The following SMYD3 variants were observed in gnomAD, a reference collection of about 807,000 sequenced individuals.
SMYD3 encodes histone-lysine N-methyltransferase SMYD3.
Under a neutral mutation model 57.7 loss-of-function variants are expected in SMYD3, and 36 were observed. That is an observed-to-expected ratio of 0.62 (90% CI 0.48 to 0.82). The LOEUF (loss-of-function observed/expected upper bound fraction) is 0.82. Ranked by LOEUF, SMYD3 falls within the 40% of genes least tolerant of loss-of-function variation. The pLI is 0.00. For missense variants in SMYD3, 515 were observed against 538.8 expected, an observed-to-expected ratio of 0.96 and a Z score of 0.44; for synonymous variants, 211 against 195.0, an observed-to-expected ratio of 1.08 and a Z score of -0.68.
chr1:246,216,525 T>C (rs372265892), intron 5 of SMYD3, among the ~76,000 whole-genome samples: 1 of 152,122 alleles, frequency 6.6e-6, no homozygotes, highest in South Asian at 2.1e-4. Context: ...TAGAGAATTG[T>C]TACTAATTGT....
chr1:245,919,091 T>C (rs1420813178), intron 7 of SMYD3, among the ~76,000 whole-genome samples: 1 of 152,182 alleles, frequency 6.6e-6, no homozygotes, highest in African/African-American at 2.4e-5. Flanking sequence ...CTGGAACCAT[T>C]ACCTGGACTA....
chr1:245,938,342 C>T (rs1188954585), intron 5 of SMYD3, among the ~76,000 whole-genome samples: 1 of 152,174 alleles, frequency 6.6e-6, no homozygotes. Context: ...CTTGGGGGGC[C>T]ACTCCTTCTT....
intron 1 of SMYD3, among the ~76,000 whole-genome samples, chr1:246,395,252 T>C (rs541053299): frequency 6.6e-5 from 10 of 152,350 alleles, no homozygotes; most frequent in Admixed American, 5.2e-4. Flanking sequence ...ATGGATCTTT[T>C]GGAACGAGGA....
chr1:246,449,108 T>C (rs2103027378), intron 1 of SMYD3, among the ~76,000 whole-genome samples: 1 of 152,222 alleles, frequency 6.6e-6, no homozygotes, highest in Admixed American at 6.5e-5. Flanking sequence ...CACATGCCTG[T>C]AGTTCCAGCT....
At chr1:246,031,326 GTATTAAATATA>G (rs1479893873) in intron 5 of SMYD3, among the ~76,000 whole-genome samples, 5 of 151,964 alleles carry the variant, frequency 3.3e-5, no homozygotes, top group African/African-American at 1.2e-4. Flanking sequence ...TCTTATTTAG[GTATTAAATATA>G]TATTAAATAT....
intron 5 of SMYD3, among the ~76,000 whole-genome samples, chr1:246,213,854 G>C (rs530137610): frequency 2.0e-4 from 30 of 152,254 alleles, no homozygotes; most frequent in Admixed American, 5.9e-4. Context: ...ATTGAACACA[G>C]TTCTTTCTCT....
Position 246,355,195 on chromosome 1 carries a change from T to TGA in SMYD3, c.165-102_165-101insTC. 4.4e-6 allele frequency: 5 copies of TGA among 1,137,042 alleles called. No individual in the cohort carries two copies. Among genetic ancestry groups the TGA allele is most frequent in the Non-Finnish European group, 6.6e-6 (5 of 760,720 alleles). 70.4% of individuals were successfully genotyped at this position (1,137,042 alleles called of 1,614,324 possible). ...AGTCAACATACGGACACCCGTATGT[T>TGA]CTGTTTACTCCATTATGTACAGTCC... is the stretch of plus-strand genomic sequence containing the variant. On this transcript the variant is annotated intron_variant, in intron 1 of 11. Coordinates refer to ENST00000490107, the MANE Select transcript of SMYD3 (RefSeq NM_001167740.2). This position sits in a 1 kb window ranked among gnomAD's most constrained non-coding sequence, Gnocchi z 5.0.
chr1:246,182,822 G>T (rs954032167), intron 5 of SMYD3, among the ~76,000 whole-genome samples: 2 of 152,116 alleles, frequency 1.3e-5, no homozygotes, highest in African/African-American at 4.8e-5. Context: ...TCATTCCTAT[G>T]TTCAACATCA....
At chr1:245,994,560 C>A (rs1439264489) in intron 5 of SMYD3, among the ~76,000 whole-genome samples, 1 of 152,150 alleles carries the variant, frequency 6.6e-6, no homozygotes, top group East Asian at 1.9e-4. Context: ...GGACTCCAAG[C>A]ATTTTCCTCA....
intron 9 of SMYD3, among the ~76,000 whole-genome samples, chr1:245,863,256 T>C (rs2051651970): frequency 6.6e-6 from 1 of 152,204 alleles, no homozygotes; most frequent in African/African-American, 2.4e-5. Flanking sequence ...AAAACATTAG[T>C]GGAGCCTTCC....
intron 5 of SMYD3, among the ~76,000 whole-genome samples, chr1:246,222,707 T>C (rs1006471607): frequency 2.0e-5 from 3 of 152,114 alleles, no homozygotes; most frequent in African/African-American, 7.2e-5. Context: ...AAAAGAAAAG[T>C]TTAGACCTAA....
chr1:246,423,055 T>C (rs1455315114), intron 1 of SMYD3, among the ~76,000 whole-genome samples: 1 of 152,034 alleles, frequency 6.6e-6, no homozygotes, highest in East Asian at 1.9e-4. Context: ...TCCAATCACT[T>C]TGGGAGGCCA....
intron 5 of SMYD3, among the ~76,000 whole-genome samples, chr1:246,197,514 T>C (rs1442341871): frequency 6.6e-6 from 1 of 152,130 alleles, no homozygotes; most frequent in Non-Finnish European, 1.5e-5. Flanking sequence ...TTACCTTCTT[T>C]CCACGTAAGG....
At chr1:245,964,239 G>A (rs748772919) in intron 5 of SMYD3, among the ~76,000 whole-genome samples, 2 of 152,138 alleles carry the variant, frequency 1.3e-5, no homozygotes, top group Non-Finnish European at 2.9e-5. Flanking sequence ...AAGGCACCAC[G>A]CCATGCATGA....
At chr1:245,792,533 GA>G (rs879364126) in intron 10 of SMYD3, among the ~76,000 whole-genome samples, 4 of 152,002 alleles carry the variant, frequency 2.6e-5, no homozygotes, top group Non-Finnish European at 4.4e-5. Flanking sequence ...GAAAAAGACA[GA>G]AAAAAAATTT....
intron 1 of SMYD3, among the ~76,000 whole-genome samples, chr1:246,474,967 G>A (rs2068008697): frequency 6.6e-6 from 1 of 152,110 alleles, no homozygotes; most frequent in South Asian, 2.1e-4. Context: ...TGGTACTTTT[G>A]GCAAAGATGG....
intron 1 of SMYD3, among the ~76,000 whole-genome samples, chr1:246,474,279 C>A (rs1309721291): frequency 6.6e-6 from 1 of 151,868 alleles, no homozygotes; most frequent in Non-Finnish European, 1.5e-5. Context: ...AAGCACTTTG[C>A]GGGGCCAAGG....
intron 1 of SMYD3, among the ~76,000 whole-genome samples, chr1:246,451,430 A>G (rs1449584591): frequency 6.6e-6 from 1 of 152,256 alleles, no homozygotes; most frequent in African/African-American, 2.4e-5. Context: ...ACATTTAGGA[A>G]AAGGCAAAAC....
At chr1:246,350,097 CA>C (rs1427406150) in intron 2 of SMYD3, among the ~76,000 whole-genome samples, 1 of 152,116 alleles carries the variant, frequency 6.6e-6, no homozygotes, top group Non-Finnish European at 1.5e-5. Flanking sequence ...TAACACTAAT[CA>C]AAAGAAAAGC....
Sources: allele counts gnomAD v4.1 joint callset (sites outside exome capture counted in the v4.1 genomes callset), GRCh38; gene constraint gnomAD v4.1.1; non-coding constraint Gnocchi (gnomAD v3.1); transcripts MANE v1.5; gene names NCBI Gene and HGNC (gene_info 2026-07-23, HGNC 2026-07-21).